The following AGMO variants were observed in gnomAD, a reference collection of about 807,000 sequenced individuals.
AGMO encodes the protein alkylglycerol monooxygenase.
AGMO carries 75 observed loss-of-function variants against 60.2 expected under a neutral mutation model. The observed-to-expected ratio is 1.25, with a 90% CI of 1.03 to 1.51. The LOEUF is 1.51. AGMO is among the 40% of genes most tolerant of loss of function. The pLI is 0.00. For missense variants in AGMO, 763 were observed against 525.5 expected (o/e 1.45, Z -4.42); for synonymous variants, 261 against 177.1 (o/e 1.47, Z -3.76).
At chr7:15,249,797 T>C (rs1168729545) in intron 12 of AGMO, among the ~76,000 whole-genome samples, 1 of 152,192 alleles carries the variant, frequency 6.6e-6, no homozygotes, top group East Asian at 1.9e-4. Context: ...GAAACTATCT[T>C]CTCTCAAAAT....
At chr7:15,499,810 T>C (rs1206183206) in intron 3 of AGMO, among the ~76,000 whole-genome samples, 1 of 151,566 alleles carries the variant, frequency 6.6e-6, no homozygotes, top group Non-Finnish European at 1.5e-5. Flanking sequence ...GAGATTAAAA[T>C]GTTCTCCAAG....
chr7:15,388,431 A>G (rs888679519), intron 8 of AGMO, among the ~76,000 whole-genome samples: 5 of 152,184 alleles, frequency 3.3e-5, no homozygotes, highest in African/African-American at 1.2e-4. Context: ...TGCAATAATA[A>G]TAATACAGAA....
At chr7:15,335,901 G>C (rs1485729478) in intron 12 of AGMO, among the ~76,000 whole-genome samples, 1 of 152,040 alleles carries the variant, frequency 6.6e-6, no homozygotes, top group East Asian at 1.9e-4. Flanking sequence ...ACCAAATGTA[G>C]GGATTTACCA....
chr7:15,371,065 C>A (rs1252070231), intron 10 of AGMO, among the ~76,000 whole-genome samples: 1 of 152,078 alleles, frequency 6.6e-6, no homozygotes. Context: ...TAGCCATATG[C>A]AGAAGAATGA....
chr7:15,488,269 T>C (rs1030350933), intron 3 of AGMO, among the ~76,000 whole-genome samples: 2 of 152,222 alleles, frequency 1.3e-5, no homozygotes, highest in African/African-American at 4.8e-5. Flanking sequence ...TTTAGAATTG[T>C]AGTTTGTTGG....
In AGMO at chr7:15,314,035, G is replaced by A. The variant is rs564601906; in HGVS notation, c.1263+51479C>T. Among the ~76,000 whole-genome samples the A allele has an allele frequency of 2.0e-5, 3 of 152,108 alleles. No individual in the cohort carries two copies. In the South Asian group the frequency reaches 6.2e-4, roughly 32 times the overall value. ...TTCTGAAGATTTGTCAGAAGGATCA[G>A]CTGCTTTCCGGTGATCCTGGATCAT... On this transcript the variant is annotated intron_variant, in intron 12 of 12. Coordinates refer to ENST00000342526, the MANE Select transcript of AGMO (RefSeq NM_001004320.2).
chr7:15,365,258 G>A (rs1403163273), intron 12 of AGMO, among the ~76,000 whole-genome samples: 1 of 151,690 alleles, frequency 6.6e-6, no homozygotes, highest in African/African-American at 2.4e-5. Context: ...TAAAGGTTGT[G>A]TAATGTAATG....
At chr7:15,144,142 C>A in the AGMO span, among the ~76,000 whole-genome samples, 2 of 152,120 alleles carry the variant, frequency 1.3e-5, no homozygotes, top group East Asian at 1.9e-4. Flanking sequence ...AATGCACAAA[C>A]CTGTCAGACC....
chr7:15,170,593 C>T, the AGMO span, among the ~76,000 whole-genome samples: 1 of 152,068 alleles, frequency 6.6e-6, no homozygotes, highest in East Asian at 1.9e-4. Flanking sequence ...TTTAAATTTA[C>T]AGAAAATTTG....
chr7:15,430,638 A>G (rs1781206707), intron 4 of AGMO, among the ~76,000 whole-genome samples: 1 of 113,794 alleles, frequency 8.8e-6, no homozygotes, highest in South Asian at 2.8e-4. Flanking sequence ...TTTAAAAAAA[A>G]AAAAAAAACT....
chr7:15,231,011 T>TA (rs1782243284), intron 12 of AGMO, among the ~76,000 whole-genome samples: 1 of 152,190 alleles, frequency 6.6e-6, no homozygotes, highest in Non-Finnish European at 1.5e-5. Context: ...AATCAGCTAT[T>TA]TTAATTCAGG....
chr7:15,465,389 G>T (rs1782255400), intron 3 of AGMO, among the ~76,000 whole-genome samples: 1 of 150,048 alleles, frequency 6.7e-6, no homozygotes, highest in Non-Finnish European at 1.5e-5. Flanking sequence ...AAATATGTGA[G>T]ACAAGATGAC....
At chr7:15,384,228 C>A (rs566043673) in intron 10 of AGMO, among the ~76,000 whole-genome samples, 1 of 152,158 alleles carries the variant, frequency 6.6e-6, no homozygotes, top group Admixed American at 6.5e-5. Flanking sequence ...TGAGCCACCA[C>A]GCCCAGCCTC....
In AGMO at chr7:15,306,861, A is replaced by G. The variant is rs548954138; in HGVS notation, c.1263+58653T>C. Among the ~76,000 whole-genome samples, 8 of 152,112 alleles carry G rather than the reference A, an allele frequency of 5.3e-5. No homozygotes were observed. In the East Asian group the frequency reaches 1.2e-3, roughly 22 times the overall value. ...AGTTAGTGTATAAAATATTATTACAATAAGTTATAATCATAACAGAGGTAA... is the reference window on the plus strand; with the variant it reads ...AGTTAGTGTATAAAATATTATTACAGTAAGTTATAATCATAACAGAGGTAA... On this transcript the variant is annotated intron_variant, in intron 12 of 12. Transcript: ENST00000342526.
At position 15,315,328 on chromosome 7, in the gene AGMO, C is replaced by CTTTTTTTTTTTTTTTTT. The variant is rs1178276622; in HGVS notation, c.1263+50169_1263+50185dup. Reference sequence around the variant, plus strand: ...TAAGCAAAACTTACATGGATATTTGCTTTTTTTTTTTTTTTTTTTTTTTTT... The same window carrying CTTTTTTTTTTTTTTTTT: ...TAAGCAAAACTTACATGGATATTTGCTTTTTTTTTTTTTTTTTTTTTTTTTTTTTTTTTTTTTTTTTT... On this transcript the variant is annotated intron_variant, in intron 12 of 12. Coordinates refer to ENST00000342526, the MANE Select transcript of AGMO (RefSeq NM_001004320.2). Among the ~76,000 whole-genome samples, 3 of 48,198 alleles carry CTTTTTTTTTTTTTTTTT rather than the reference C, an allele frequency of 6.2e-5. 1 individual carries two copies. Among genetic ancestry groups the CTTTTTTTTTTTTTTTTT allele is most frequent in the African/African-American group, 2.3e-4 (3 of 13,200 alleles). The allele number at this position is 48,198 out of a possible 152,430, so 31.6% of individuals were successfully genotyped here.
At chr7:15,262,614 C>T (rs1783306123) in intron 12 of AGMO, among the ~76,000 whole-genome samples, 1 of 151,436 alleles carries the variant, frequency 6.6e-6, no homozygotes, top group African/African-American at 2.4e-5. Flanking sequence ...AAAAAAAATC[C>T]AAAAATTCAT....
rs769091034 is a variant in AGMO at position 15,301,910 on chromosome 7, A to G, written c.1263+63604T>C. ...AGTGCCTAAGGCTCATGAAAGTCAA[A>G]ATGTCATCCTGCCTGAAGTTACTTC... On this transcript the variant is annotated intron_variant, in intron 12 of 12. Coordinates refer to ENST00000342526, the MANE Select transcript of AGMO (RefSeq NM_001004320.2). 3.1e-4 allele frequency among the ~76,000 whole-genome samples: 47 copies of G among 152,260 alleles called. 1 individual carries two copies. The Middle Eastern group carries it at 0.017, about 55-fold the overall frequency.
chr7:15,531,463 TTCTATATATATTC>T (rs1784348834), intron 3 of AGMO, among the ~76,000 whole-genome samples: 1 of 60,754 alleles, frequency 1.6e-5, no homozygotes, highest in South Asian at 5.2e-4. Context: ...TCTATATATA[TTCTATATATATTC>T]TCTATATATA....
intron 12 of AGMO, among the ~76,000 whole-genome samples, chr7:15,242,466 G>A (rs1352930662): frequency 3.9e-5 from 6 of 152,148 alleles, no homozygotes; most frequent in Non-Finnish European, 5.9e-5. Flanking sequence ...AAATGGTAAT[G>A]TCAATAGTCT....
Sources: gnomAD v4.1 joint callset for allele counts (sites outside exome capture counted in the v4.1 genomes callset) on GRCh38, gnomAD v4.1.1 for gene constraint, MANE v1.5 for transcripts, NCBI Gene and HGNC (gene_info 2026-07-23, HGNC 2026-07-21) for gene names.